Variants in PRKN observed in about 807,000 individuals in gnomAD.
The protein encoded by PRKN is parkin RBR E3 ubiquitin protein ligase, also known as E3 ubiquitin-protein ligase parkin.
Under a neutral mutation model 59.5 loss-of-function variants are expected in PRKN, and 56 were observed. The ratio of observed to expected loss-of-function variants is 0.94; its 90% CI spans 0.76 to 1.18. The LOEUF is 1.18. Ranked by LOEUF, PRKN falls within the 50% of genes most tolerant of loss-of-function variation. The pLI is 0.00. For missense variants in PRKN, 657 were observed against 596.4 expected (o/e 1.10, Z -1.06); for synonymous variants, 250 against 222.1 (o/e 1.13, Z -1.12).
chr6:162,619,850 C>T (rs887245148), intron 1 of PRKN, among the ~76,000 whole-genome samples: 4 of 152,202 alleles, frequency 2.6e-5, no homozygotes, highest in Admixed American at 2.6e-4. Flanking sequence ...TGATAAAGGC[C>T]TCATTCATTC....
At chr6:162,255,372 G>A (rs1301240213) in intron 3 of PRKN, among the ~76,000 whole-genome samples, 3 of 152,154 alleles carry the variant, frequency 2.0e-5, no homozygotes, top group Admixed American at 1.3e-4. Context: ...CCCTTGTCAC[G>A]AAGTATCTGA....
At chr6:161,900,429 T>G (rs1226023712) in intron 6 of PRKN, among the ~76,000 whole-genome samples, 1 of 143,994 alleles carries the variant, frequency 6.9e-6, no homozygotes, top group Admixed American at 7.2e-5. Flanking sequence ...TAGAGAAAAA[T>G]AATATATATT....
chr6:161,917,717 G>T (rs1345918542), intron 6 of PRKN, among the ~76,000 whole-genome samples: 2 of 152,138 alleles, frequency 1.3e-5, no homozygotes, highest in Non-Finnish European at 2.9e-5. Context: ...CAAATACTAA[G>T]CAATATTCAG....
chr6:161,708,038 A>T (rs1477733025), intron 7 of PRKN, among the ~76,000 whole-genome samples: 1 of 152,192 alleles, frequency 6.6e-6, no homozygotes, highest in Non-Finnish European at 1.5e-5. Flanking sequence ...TTAATGATAT[A>T]ATAGTTTTAG....
chr6:162,654,853 GA>G (rs1006861153), intron 1 of PRKN, among the ~76,000 whole-genome samples: 30 of 144,808 alleles, frequency 2.1e-4, no homozygotes, highest in African/African-American at 2.5e-4. Context: ...AGTGGGGGGG[GA>G]AATCCCCCTA....
chr6:161,444,587 C>T lies in PRKN; in HGVS notation c.1084-57710G>A, dbSNP rs1360920259. On this transcript the variant is annotated intron_variant, in intron 9 of 11. Transcript: ENST00000366898. This position sits in a 1 kb window ranked among gnomAD's most constrained non-coding sequence, Gnocchi z 5.6. ...CATTCAGTCAGCAAATATTAATTGA[C>T]GTGGTGAGGTTGTGCTCTGAAAAGC... 6.6e-6 allele frequency among the ~76,000 whole-genome samples: 1 copy of T among 152,228 alleles called. No individual in the cohort carries two copies. The highest frequency in any genetic ancestry group is 1.5e-5 in the Non-Finnish European group (1 of 68,048).
intron 1 of PRKN, among the ~76,000 whole-genome samples, chr6:162,470,372 G>A (rs1791668137): frequency 6.6e-6 from 1 of 152,216 alleles, no homozygotes; most frequent in Non-Finnish European, 1.5e-5. Flanking sequence ...TTGGGAGGCT[G>A]AGGCAGGCAG....
At chr6:162,283,537 T>A (rs982814259) in intron 2 of PRKN, among the ~76,000 whole-genome samples, 23 of 152,168 alleles carry the variant, frequency 1.5e-4, no homozygotes, top group African/African-American at 5.6e-4. Flanking sequence ...AGTGAAAAAA[T>A]CCTTAGAACA....
At chr6:161,950,692 T>C (rs776790243) in intron 6 of PRKN, among the ~76,000 whole-genome samples, 2 of 152,154 alleles carry the variant, frequency 1.3e-5, no homozygotes, top group African/African-American at 2.4e-5. Flanking sequence ...TTGTAGGGAC[T>C]GTGAAAGATG....
Position 161,624,253 on chromosome 6 carries a change from C to G in PRKN, c.872-54837G>C, listed in dbSNP as rs2128151959. 1.3e-5 allele frequency among the ~76,000 whole-genome samples: 2 copies of G among 152,290 alleles called. 1 individual carries two copies. Among genetic ancestry groups the G allele is most frequent in the Middle Eastern group, 6.8e-3 (2 of 292 alleles). ...TAAAATTCATTAGTGGCGCCAAAAG[C>G]TATTTCCAGTTCTAATAAAAAGGCT... On this transcript the variant is annotated intron_variant, in intron 7 of 11. Transcript: ENST00000366898.
intron 3 of PRKN, among the ~76,000 whole-genome samples, chr6:162,221,380 G>A (rs1777927719): frequency 6.6e-6 from 1 of 152,186 alleles, no homozygotes; most frequent in African/African-American, 2.4e-5. Context: ...GCTGATGAAT[G>A]AAATTTACTG....
At position 161,530,877 on chromosome 6, in the gene PRKN, C is replaced by A. The variant is rs1383791114; in HGVS notation, c.1083+17977G>T. Among the ~76,000 whole-genome samples, 1 of 152,090 alleles carries A rather than the reference C, an allele frequency of 6.6e-6. No individual in the cohort carries two copies. On this transcript the variant is annotated intron_variant, in intron 9 of 11. Coordinates refer to ENST00000366898, the MANE Select transcript of PRKN (RefSeq NM_004562.3). The surrounding 1 kb of genome is among the most constrained non-coding windows in gnomAD (Gnocchi z 5.0). ...ATGCTGCTCTACTTCAGAGAACAGA[C>A]CAATTTTTAGAGAGCTTCAACAATT... is the stretch of plus-strand genomic sequence containing the variant.
intron 2 of PRKN, among the ~76,000 whole-genome samples, chr6:162,294,378 G>A (rs1781568643): frequency 6.6e-6 from 1 of 152,072 alleles, no homozygotes; most frequent in Non-Finnish European, 1.5e-5. Flanking sequence ...GAGAGAAGCA[G>A]AGACTCTAAT....
intron 5 of PRKN, among the ~76,000 whole-genome samples, chr6:162,029,683 C>T (rs547885643): frequency 1.3e-5 from 2 of 152,166 alleles, no homozygotes; most frequent in Non-Finnish European, 1.5e-5. Flanking sequence ...TCCCACTAAA[C>T]GCCATAACTT....
chr6:162,566,784 C>T (rs958038826), intron 1 of PRKN, among the ~76,000 whole-genome samples: 12 of 152,092 alleles, frequency 7.9e-5, no homozygotes, highest in African/African-American at 2.4e-4. Flanking sequence ...ACTTGTTCTA[C>T]AAGGCCAGTA....
intron 3 of PRKN, among the ~76,000 whole-genome samples, chr6:162,211,134 G>A (rs770411156): frequency 6.6e-6 from 1 of 152,100 alleles, no homozygotes; most frequent in African/African-American, 2.4e-5. Flanking sequence ...TCAGACGGTG[G>A]ACTTTACAAA....
chr6:161,846,793 T>C (rs1042210147), intron 6 of PRKN, among the ~76,000 whole-genome samples: 3 of 152,210 alleles, frequency 2.0e-5, no homozygotes, highest in African/African-American at 4.8e-5. Flanking sequence ...GTTGATATAA[T>C]TGATATCCTT....
rs893191361 is a variant in PRKN at position 161,409,495 on chromosome 6, A to C, written c.1084-22618T>G. 1.3e-5 allele frequency among the ~76,000 whole-genome samples: 2 copies of C among 152,262 alleles called. No homozygotes were observed. Among genetic ancestry groups the C allele is most frequent in the Admixed American group, 1.3e-4 (2 of 15,296 alleles). ...AGTCTTTCCAGAGTGCCCCTTTCTC[A>C]GGACATAGACAAGTAGCTTTCCTAC... On this transcript the variant is annotated intron_variant, in intron 9 of 11. Transcript: ENST00000366898. The surrounding 1 kb of genome is among the most constrained non-coding windows in gnomAD (Gnocchi z 4.6).
chr6:161,564,053 C>T (rs1780548659), intron 8 of PRKN, among the ~76,000 whole-genome samples: 1 of 152,154 alleles, frequency 6.6e-6, no homozygotes, highest in Non-Finnish European at 1.5e-5. Context: ...TCCAAGGATG[C>T]TTGTAACAGA....
Sources: allele counts gnomAD v4.1 joint callset (sites outside exome capture counted in the v4.1 genomes callset), GRCh38; gene constraint gnomAD v4.1.1; non-coding constraint Gnocchi (gnomAD v3.1); transcripts MANE v1.5; gene names NCBI Gene and HGNC (gene_info 2026-07-23, HGNC 2026-07-21).